The following MOGAT2 variants were observed in gnomAD, a reference collection of about 807,000 sequenced individuals.
The protein encoded by MOGAT2 is 2-acylglycerol O-acyltransferase 2.
Under a neutral mutation model 31.5 loss-of-function variants are expected in MOGAT2, and 27 were observed. That is an observed-to-expected ratio of 0.86 (90% CI 0.63 to 1.18). The LOEUF (loss-of-function observed/expected upper bound fraction) is 1.18, where lower values mean the gene tolerates loss of function less well. MOGAT2 is among the 50% of genes most tolerant of loss of function. The probability of loss-of-function intolerance (pLI) is 0.00; values close to 1 mark genes in which losing one functional copy is unlikely to be tolerated. For synonymous variants in MOGAT2, 163 were observed against 170.0 expected, an observed-to-expected ratio of 0.96 and a Z score of 0.32; for missense variants, 436 against 433.2, an observed-to-expected ratio of 1.01 and a Z score of -0.06.
chr11:75,731,049 G>T, intron 5 of MOGAT2, 83 bp from the exon 6 acceptor site: 1 of 1,277,398 alleles, frequency 7.8e-7, no homozygotes, highest in East Asian at 2.4e-5. Flanking sequence ...GCACTTTTCT[G>T]CAGGGATGAA....
intron 4 of MOGAT2, chr11:75,728,415 T>C (rs561773775): frequency 1.7e-6 from 1 of 594,458 alleles, no homozygotes; most frequent in Non-Finnish European, 3.0e-6. Flanking sequence ...AGAAGAGTGA[T>C]ATTTGGGGTA....
Position 75,728,093 on chromosome 11 carries a change from C to T in MOGAT2, c.599C>T (p.Thr200Met), listed in dbSNP as rs139638103. The T allele has an allele frequency of 5.8e-5, 93 of 1,614,140 alleles. No individual in the cohort carries two copies. The African/African-American group carries it at 7.9e-4, about 14-fold the overall frequency. Residue 200 changes from threonine to methionine, a missense_variant, in exon 4 of 6, where the codon ACG becomes ATG. By Grantham distance (81) the Thr-to-Met change is moderately conservative. Transcript: ENST00000198801. Reference protein sequence around the residue: ...EALDARPGSFTLLLRNRKGFV... With the variant: ...EALDARPGSFMLLLRNRKGFV... Reference sequence around the variant, plus strand: ...CTGGATGCCAGGCCTGGATCCTTCACGCTGTTACTGCGGAACCGAAAGGGC... The same window carrying T: ...CTGGATGCCAGGCCTGGATCCTTCATGCTGTTACTGCGGAACCGAAAGGGC...
At chr11:75,719,723 G>A (rs539618714) in intron 1 of MOGAT2, 7 of 468,580 alleles carry the variant, frequency 1.5e-5, no homozygotes, top group East Asian at 6.6e-5. Flanking sequence ...TGAATTAGGC[G>A]GCCTGGTGCA....
intron 1 of MOGAT2, chr11:75,719,545 T>A (rs1944358362): frequency 6.4e-6 from 1 of 155,966 alleles, no homozygotes; most frequent in Admixed American, 6.3e-5. Context: ...TCTGGGAAAA[T>A]GGGGCAGAGG....
At chr11:75,729,747 TTTTTTG>T (rs1269198716) in intron 5 of MOGAT2, among the ~76,000 whole-genome samples, 1 of 139,098 alleles carries the variant, frequency 7.2e-6, no homozygotes, top group Non-Finnish European at 1.5e-5. Context: ...ATTCTTTTTT[TTTTTTG>T]TTTTTTTTTG....
chr11:75,722,920 G>A (rs1427105198), intron 2 of MOGAT2, among the ~76,000 whole-genome samples: 1 of 152,196 alleles, frequency 6.6e-6, no homozygotes, highest in East Asian at 1.9e-4. Flanking sequence ...GCCTCGATTT[G>A]CAGAAATTCT....
chr11:75,725,743 G>A (rs890141742), intron 2 of MOGAT2, among the ~76,000 whole-genome samples: 1 of 152,130 alleles, frequency 6.6e-6, no homozygotes, highest in Non-Finnish European at 1.5e-5. Context: ...GTCACCAGCT[G>A]CATCTTGATG....
chr11:75,723,383 A>G (rs1944394174), intron 2 of MOGAT2, among the ~76,000 whole-genome samples: 1 of 152,040 alleles, frequency 6.6e-6, no homozygotes, highest in South Asian at 2.1e-4. Flanking sequence ...CATTTTGACT[A>G]TGTCCTAAGC....
chr11:75,731,431 G>A lies in MOGAT2; in HGVS notation c.*145G>A. On this transcript the variant is annotated 3_prime_UTR_variant, in exon 6 of 6. Transcript: ENST00000198801. ...CATATCAGGCTGTAAGTCAGAGCAG[G>A]CAATGCAGAAGAGGAGACCAGACCA... The A allele has an allele frequency of 1.1e-6, 1 of 940,362 alleles. No homozygotes were observed. The highest frequency in any genetic ancestry group is 1.5e-6 in the Non-Finnish European group (1 of 670,464). The allele number at this position is 940,362 out of a possible 1,614,324, so 58.3% of individuals were successfully genotyped here.
intron 1 of MOGAT2, 130 bp from the exon 2 acceptor site, chr11:75,719,862 C>A: frequency 1.1e-6 from 1 of 887,120 alleles, no homozygotes; most frequent in Non-Finnish European, 1.7e-6. Context: ...CTGCTGTCTT[C>A]CTCCTGGGCC....
At position 75,720,011 on chromosome 11, in the gene MOGAT2, C is replaced by CTT; in HGVS notation, c.112_113dup (p.Ile39SerfsTer2). The CTT allele has an allele frequency of 6.2e-7, 1 of 1,614,012 alleles. No homozygotes were observed. Among genetic ancestry groups the CTT allele is most frequent in the Non-Finnish European group, 8.5e-7 (1 of 1,180,018 alleles). ...CCCCAGCCGAGATCTGCACTGTGGGCTTCATAGCCCTCCTGTTTACAAGAT... is the reference window on the plus strand; with the variant it reads ...CCCCAGCCGAGATCTGCACTGTGGGCTTTTCATAGCCCTCCTGTTTACAAGAT... On this transcript the variant is annotated frameshift_variant, in exon 2 of 6. Transcript: ENST00000198801. LOFTEE classifies it high-confidence loss of function.
chr11:75,729,925 A>G (rs928341949), intron 5 of MOGAT2, among the ~76,000 whole-genome samples: 7 of 151,604 alleles, frequency 4.6e-5, no homozygotes, highest in Non-Finnish European at 7.4e-5. Flanking sequence ...TTGTATTTTT[A>G]GTAGAGACAG....
At chr11:75,730,926 A>G in intron 5 of MOGAT2, 1 of 256,480 alleles carries the variant, frequency 3.9e-6, no homozygotes, top group South Asian at 8.5e-5. Flanking sequence ...AAAAAAAAAA[A>G]AAAGAAAAGA....
chr11:75,722,629 C>T (rs1944385593), intron 2 of MOGAT2, among the ~76,000 whole-genome samples: 1 of 152,216 alleles, frequency 6.6e-6, no homozygotes, highest in South Asian at 2.1e-4. Flanking sequence ...GCTGGGGAGG[C>T]CCTCAGGTCA....
rs1944484217 is a variant in MOGAT2 at position 75,731,930 on chromosome 11, C to T, written c.*644C>T. The T allele has an allele frequency of 6.6e-6, 1 of 152,452 alleles. No individual in the cohort carries two copies. Among genetic ancestry groups the T allele is most frequent in the Admixed American group, 6.5e-5 (1 of 15,284 alleles). The allele number at this position is 152,452 out of a possible 1,614,324, so 9.4% of individuals were successfully genotyped here. On this transcript the variant is annotated 3_prime_UTR_variant, in exon 6 of 6. Transcript: ENST00000198801. Reference sequence around the variant, plus strand: ...TCCCAGCTCAGCTTTGCATCGCTGCCCTATCTCCCTCTCGCTCTCCCCTGT... The same window carrying T: ...TCCCAGCTCAGCTTTGCATCGCTGCTCTATCTCCCTCTCGCTCTCCCCTGT...
At chr11:75,729,360 C>T (rs1056273421) in intron 5 of MOGAT2, among the ~76,000 whole-genome samples, 25 of 152,152 alleles carry the variant, frequency 1.6e-4, no homozygotes, top group Non-Finnish European at 2.9e-4. Context: ...CTGCAACCTC[C>T]GCCTCCTGGG....
rs1341614028 is a variant in MOGAT2 at position 75,729,134 on chromosome 11, A to G, written c.850+145A>G. ...CTGGGAAACATACACACACAAGCAG[A>G]TAGAATAGAAGACAGTCTGGGATAG... On this transcript the variant is annotated intron_variant, in intron 5 of 5. Coordinates refer to ENST00000198801, the MANE Select transcript of MOGAT2 (RefSeq NM_025098.4). 4 of 756,110 alleles carry G rather than the reference A, an allele frequency of 5.3e-6. No homozygotes were observed. The East Asian group carries it at 8.1e-5, about 15-fold the overall frequency. 46.8% of individuals were successfully genotyped at this position (756,110 alleles called of 1,614,324 possible).
chr11:75,720,258 G>T, intron 2 of MOGAT2, 88 bp downstream of exon 2: 1 of 1,430,574 alleles, frequency 7.0e-7, no homozygotes. Flanking sequence ...GGGAGAATAT[G>T]GCCCTGCATG....
chr11:75,721,087 A>G (rs915390266), intron 2 of MOGAT2, among the ~76,000 whole-genome samples: 1 of 152,100 alleles, frequency 6.6e-6, no homozygotes, highest in Non-Finnish European at 1.5e-5. Flanking sequence ...GAGAGAAGAA[A>G]GGGGTAAGAT....
Sources: allele counts gnomAD v4.1 joint callset (sites outside exome capture counted in the v4.1 genomes callset), GRCh38; gene constraint gnomAD v4.1.1; transcripts MANE v1.5; gene names NCBI Gene and HGNC (gene_info 2026-07-23, HGNC 2026-07-21).